Variants in ABCA10 observed in about 807,000 individuals in gnomAD.
ABCA10 encodes ATP binding cassette subfamily A member 10.
A neutral mutation model predicts 187.5 loss-of-function variants in ABCA10; 169 were observed. The observed-to-expected ratio is 0.90, with a 90% CI of 0.80 to 1.02. The LOEUF is 1.02. Among genes scored for constraint, ABCA10 ranks in the 50% least tolerant of loss-of-function variants. The pLI is 0.00. For missense variants in ABCA10, 1,727 were observed against 1,812.4 expected (o/e 0.95, Z 0.86); for synonymous variants, 574 against 601.8 (o/e 0.95, Z 0.68).
At chr17:69,210,863 T>TATATATATATGC (rs1568069925) in intron 9 of ABCA10, among the ~76,000 whole-genome samples, 5 of 146,444 alleles carry the variant, frequency 3.4e-5, no homozygotes, top group African/African-American at 1.3e-4. Flanking sequence ...TATATATATA[T>TATATATATATGC]ATGCCATATT....
At position 69,187,783 on chromosome 17, in the gene ABCA10, CTT is replaced by C; in HGVS notation, c.2226_2227del (p.Arg743LysfsTer5). The C allele has an allele frequency of 6.2e-7, 1 of 1,613,924 alleles. No individual in the cohort carries two copies. ...GAGAGCTGCACTACTGACAGCCTTT[CTT>C]GTTTCAGGAAGAGAACAAAGAACCT... is the stretch of plus-strand genomic sequence containing the variant. On this transcript the variant is annotated frameshift_variant, in exon 19 of 39. Coordinates refer to ENST00000690296, the MANE Select transcript of ABCA10 (RefSeq NM_001377321.1).
chr17:69,236,540 G>C (rs2074872641), intron 1 of ABCA10, among the ~76,000 whole-genome samples: 1 of 152,136 alleles, frequency 6.6e-6, no homozygotes, highest in Admixed American at 6.5e-5. Flanking sequence ...CTCAATCTGA[G>C]TGAACCAGAA....
At chr17:69,150,228 T>C (rs936635844) in intron 36 of ABCA10, 165 bp from the exon 37 acceptor site, 25 of 505,204 alleles carry the variant, frequency 4.9e-5, no homozygotes, top group Non-Finnish European at 8.3e-5. Context: ...ATAAAAAAAG[T>C]TATAACAACA....
rs200427500 is a variant in ABCA10, at chr17:69,222,585, C to T, written c.147G>A (p.Lys49=). The change falls in exon 4 of 39, where the codon AAG becomes AAA. Residue 49 remains lysine, a synonymous_variant. Transcript: ENST00000690296. The part of the protein sequence containing the change: ...IFSDTFSYRL[K]FNWGYRIPVI... ...CTGGGATTCTATATCCCCAATTAAA[C>T]TTCAGGCGATATGAGAAAGTATCAC... 3 of 1,600,106 alleles carry T rather than the reference C, an allele frequency of 1.9e-6. No homozygotes were observed. In the East Asian group the frequency reaches 6.8e-5, roughly 36 times the overall value.
rs1030071438 is a variant in ABCA10, at chr17:69,195,864, C to G, written c.1234+1200G>C. On this transcript the variant is annotated intron_variant, in intron 11 of 38. Transcript: ENST00000690296. Reference sequence around the variant, plus strand: ...TGGACACAGCACATGTTTCAGAGAGCAAGGGGTTGGGGGTAAGGCCATAGA... The same window carrying G: ...TGGACACAGCACATGTTTCAGAGAGGAAGGGGTTGGGGGTAAGGCCATAGA... Among the ~76,000 whole-genome samples the G allele has an allele frequency of 2.6e-5, 4 of 152,060 alleles. No individual in the cohort carries two copies. The South Asian group carries it at 8.3e-4, about 32-fold the overall frequency.
intron 9 of ABCA10, among the ~76,000 whole-genome samples, chr17:69,210,573 C>T (rs1307076261): frequency 6.8e-6 from 1 of 147,998 alleles, no homozygotes; most frequent in Non-Finnish European, 1.5e-5. Flanking sequence ...TATCCTTCAA[C>T]CCCTCATCCT....
chr17:69,156,354 A>G (rs2144756710), intron 28 of ABCA10, among the ~76,000 whole-genome samples: 1 of 152,352 alleles, frequency 6.6e-6, no homozygotes, highest in African/African-American at 2.4e-5. Context: ...ATGCTTAAAC[A>G]CTACTTACAG....
At chr17:69,162,994 C>T (rs7217411) in intron 27 of ABCA10, among the ~76,000 whole-genome samples, 14,303 of 151,886 alleles carry the variant, frequency 0.094, 2,316 homozygotes, top group African/African-American at 0.33. Context: ...CATGCCAGCA[C>T]GCCCAGCTAA....
chr17:69,240,604 T>C (rs768959208), intron 1 of ABCA10, among the ~76,000 whole-genome samples: 1 of 152,294 alleles, frequency 6.6e-6, no homozygotes, highest in Non-Finnish European at 1.5e-5. Context: ...TAGTACCATG[T>C]GGTGAGATTT....
chr17:69,155,874 T>C lies in ABCA10; in HGVS notation c.3507A>G (p.Glu1169=), dbSNP rs763621009. The C allele has an allele frequency of 1.2e-6, 2 of 1,613,784 alleles. No homozygotes were observed. The highest frequency in any genetic ancestry group is 1.7e-6 in the Non-Finnish European group (2 of 1,179,766). ...TTTCAGCTTGAACATCTTCATCTTC[T>C]TCTTCGGGCTCTTCCGGATTGGGAT... ...ETHPNPEEPE[E]EDEDVQAERV... The change falls in exon 29 of 39, where the codon GAA becomes GAG. Residue 1169 remains glutamate, a synonymous_variant. Transcript: ENST00000690296.
chr17:69,183,348 T>C (rs2074394669), intron 20 of ABCA10, among the ~76,000 whole-genome samples: 1 of 152,106 alleles, frequency 6.6e-6, no homozygotes, highest in Non-Finnish European at 1.5e-5. Context: ...TTGATTTCCA[T>C]CATAGATGGA....
At chr17:69,211,291 TC>T (rs1327187122) in intron 9 of ABCA10, among the ~76,000 whole-genome samples, 2 of 78,788 alleles carry the variant, frequency 2.5e-5, no homozygotes, top group Non-Finnish European at 5.6e-5. Context: ...TATATATATA[TC>T]ATATATATAC....
At chr17:69,190,626 G>T (rs1330288333) in intron 17 of ABCA10, 149 bp from the exon 18 acceptor site, 3 of 704,252 alleles carry the variant, frequency 4.3e-6, no homozygotes, top group East Asian at 7.0e-5. Context: ...TTTTCTGTAA[G>T]ATATTCTCTT....
At chr17:69,232,102 T>C (rs1268696526), upstream of ABCA10, among the ~76,000 whole-genome samples, 1 of 152,144 alleles carries the variant, frequency 6.6e-6, no homozygotes, top group East Asian at 1.9e-4. Flanking sequence ...TCTTTTTCCA[T>C]CTCTTCATTT....
At chr17:69,224,412 T>G (rs771090619) in intron 3 of ABCA10, among the ~76,000 whole-genome samples, 6 of 152,128 alleles carry the variant, frequency 3.9e-5, no homozygotes, top group Non-Finnish European at 7.4e-5. Context: ...GATAGTAGGC[T>G]AAGATTGCTG....
At chr17:69,191,480 C>A (rs960769216) in intron 16 of ABCA10, among the ~76,000 whole-genome samples, 165 bp from the exon 17 acceptor site, 17 of 152,306 alleles carry the variant, frequency 1.1e-4, no homozygotes, top group African/African-American at 4.1e-4. Flanking sequence ...ATTGCTAATT[C>A]AACTTCAAAG....
At chr17:69,197,982 G>A (rs193185293) in intron 10 of ABCA10, among the ~76,000 whole-genome samples, 39 of 152,026 alleles carry the variant, frequency 2.6e-4, no homozygotes, top group Admixed American at 8.5e-4. Flanking sequence ...CAAACTGAAC[G>A]CATTATATTT....
At position 69,216,015 on chromosome 17, in the gene ABCA10, A is replaced by C; in HGVS notation, c.673-15T>G. ...GCCAATGCTATCTGAAGGAAGAAAGAGGTCTGATTGGTATATTTTTCCTTG... is the reference window on the plus strand; with the variant it reads ...GCCAATGCTATCTGAAGGAAGAAAGCGGTCTGATTGGTATATTTTTCCTTG... On this transcript the variant is annotated splice_polypyrimidine_tract_variant and intron_variant, in intron 7 of 38. Coordinates refer to ENST00000690296, the MANE Select transcript of ABCA10 (RefSeq NM_001377321.1). The C allele has an allele frequency of 2.5e-6, 4 of 1,598,482 alleles. No homozygotes were observed. Among genetic ancestry groups the C allele is most frequent in the Non-Finnish European group, 3.4e-6 (4 of 1,176,078 alleles).
At chr17:69,237,062 T>C (rs546608369) in intron 1 of ABCA10, among the ~76,000 whole-genome samples, 32 of 152,236 alleles carry the variant, frequency 2.1e-4, no homozygotes, top group Admixed American at 3.3e-4. Context: ...GATTTTGATA[T>C]ACTCCTTCTG....
Sources: allele counts gnomAD v4.1 joint callset (sites outside exome capture counted in the v4.1 genomes callset), GRCh38; gene constraint gnomAD v4.1.1; transcripts MANE v1.5; gene names NCBI Gene and HGNC (gene_info 2026-07-23, HGNC 2026-07-21).